The following SLC9A9 variants were observed in gnomAD, a reference collection of about 807,000 sequenced individuals.
SLC9A9 encodes solute carrier family 9 member A9.
Under a neutral mutation model 77.8 loss-of-function variants are expected in SLC9A9, and 62 were observed. That is an observed-to-expected ratio of 0.80 (90% confidence interval 0.65 to 0.98). SLC9A9 has a LOEUF of 0.98. Ranked by LOEUF, SLC9A9 falls within the 50% of genes least tolerant of loss-of-function variation. The pLI is 0.00. For synonymous variants in SLC9A9, 320 were observed against 283.5 expected (o/e 1.13, Z -1.29); for missense variants, 775 against 774.9 (o/e 1.00, Z 0.00).
chr3:143,832,272 C>T, intron 1 of SLC9A9, 51 bp from the exon 2 acceptor site: 3 of 1,487,692 alleles, frequency 2.0e-6, no homozygotes, highest in Non-Finnish European at 2.8e-6. Flanking sequence ...ATCTAAAATG[C>T]CACTATTGGA....
At chr3:143,515,318 G>C (rs72991985) in intron 9 of SLC9A9, among the ~76,000 whole-genome samples, 3,091 of 152,252 alleles carry the variant, frequency 0.02, 100 homozygotes, top group African/African-American at 0.069. Context: ...GTGAGAATTA[G>C]CAAAAGGTGA....
intron 6 of SLC9A9, among the ~76,000 whole-genome samples, chr3:143,622,953 C>G (rs1403438826): frequency 6.6e-6 from 1 of 152,002 alleles, no homozygotes; most frequent in Middle Eastern, 3.2e-3. Flanking sequence ...AGAAAGGCAG[C>G]TGTTGAAATC....
chr3:143,280,462 CTCCTCCTAGACATACTTT>C (rs1425960607), intron 14 of SLC9A9, among the ~76,000 whole-genome samples: 1 of 151,378 alleles, frequency 6.6e-6, no homozygotes, highest in Non-Finnish European at 1.5e-5. Flanking sequence ...CAAATCTCTT[CTCCTCCTAGACATACTTT>C]TTTCCTCAGA....
At chr3:143,719,875 C>T (rs141329788) in intron 4 of SLC9A9, among the ~76,000 whole-genome samples, 9 of 152,190 alleles carry the variant, frequency 5.9e-5, no homozygotes, top group Non-Finnish European at 7.4e-5. Context: ...AGAAATCAAT[C>T]GGAGTCAGAG....
At chr3:143,757,871 C>T (rs1002461142) in intron 4 of SLC9A9, among the ~76,000 whole-genome samples, 9 of 151,868 alleles carry the variant, frequency 5.9e-5, no homozygotes, top group African/African-American at 1.2e-4. Flanking sequence ...GTGAAGATAA[C>T]GAGATAAGGA....
At chr3:143,822,127 C>T (rs528191568) in intron 2 of SLC9A9, among the ~76,000 whole-genome samples, 16 of 152,334 alleles carry the variant, frequency 1.1e-4, no homozygotes, top group African/African-American at 3.8e-4. Context: ...GAGAATGACT[C>T]TGAGGGCTCA....
intron 9 of SLC9A9, among the ~76,000 whole-genome samples, chr3:143,547,822 T>TAAA (rs2036814506): frequency 8.5e-5 from 13 of 152,252 alleles, no homozygotes; most frequent in Admixed American, 4.6e-4. Flanking sequence ...CCTGCTTTAT[T>TAAA]ATTGGCCTTA....
intron 9 of SLC9A9, among the ~76,000 whole-genome samples, chr3:143,528,219 C>G (rs539855432): frequency 2.0e-5 from 3 of 152,294 alleles, no homozygotes; most frequent in Admixed American, 6.5e-5. Flanking sequence ...TCTGTGACCT[C>G]AGTCAGGTTA....
At chr3:143,799,950 C>T (rs1199540888) in intron 2 of SLC9A9, among the ~76,000 whole-genome samples, 1 of 152,208 alleles carries the variant, frequency 6.6e-6, no homozygotes, top group Non-Finnish European at 1.5e-5. Context: ...GGCCAGGCTT[C>T]TAAACCTCTT....
intron 14 of SLC9A9, among the ~76,000 whole-genome samples, chr3:143,277,189 A>AG (rs989157187): frequency 1.3e-5 from 2 of 152,202 alleles, no homozygotes; most frequent in Non-Finnish European, 2.9e-5. Context: ...AAGATAAACA[A>AG]GGGGCCATAT....
At position 143,266,029 on chromosome 3, in the gene SLC9A9, C is replaced by T. The variant is rs758441428; in HGVS notation, c.*673G>A. 10 of 701,888 alleles carry T rather than the reference C, an allele frequency of 1.4e-5. No individual in the cohort carries two copies. The highest frequency in any genetic ancestry group is 1.0e-4 in the South Asian group (7 of 67,524). 43.5% of individuals were successfully genotyped at this position (701,888 alleles called of 1,614,324 possible). The stretch of plus-strand genomic sequence containing the variant: ...GGTCCTACTAAGCTTGAAAGTGGTG[C>T]TGCATTTAGGGCAGGGCACACCCAG... On this transcript the variant is annotated 3_prime_UTR_variant, in exon 16 of 16. Coordinates refer to ENST00000316549, the MANE Select transcript of SLC9A9 (RefSeq NM_173653.4).
At chr3:143,501,998 T>A (rs527253502) in intron 9 of SLC9A9, among the ~76,000 whole-genome samples, 1 of 150,868 alleles carries the variant, frequency 6.6e-6, no homozygotes, top group Admixed American at 6.6e-5. Flanking sequence ...GATAAAATTT[T>A]AAAAAATGAA....
chr3:143,568,246 C>A (rs950730476), intron 8 of SLC9A9, among the ~76,000 whole-genome samples: 15 of 152,114 alleles, frequency 9.9e-5, no homozygotes, highest in African/African-American at 3.6e-4. Context: ...TTTTACATAC[C>A]AGGGGAAGAG....
At chr3:143,789,871 A>G (rs1486923644) in intron 4 of SLC9A9, among the ~76,000 whole-genome samples, 1 of 152,246 alleles carries the variant, frequency 6.6e-6, no homozygotes, top group Non-Finnish European at 1.5e-5. Context: ...AAGAATGTTT[A>G]TATGAATAAT....
intron 4 of SLC9A9, among the ~76,000 whole-genome samples, chr3:143,759,444 G>A (rs1340549209): frequency 3.3e-5 from 5 of 152,060 alleles, no homozygotes; most frequent in Non-Finnish European, 5.9e-5. Flanking sequence ...TGTCAATGCA[G>A]GCACTATGCA....
chr3:143,584,460 G>C (rs552692276), intron 6 of SLC9A9, among the ~76,000 whole-genome samples: 1 of 152,302 alleles, frequency 6.6e-6, no homozygotes. Flanking sequence ...TCGCTTGAAA[G>C]CTTATGAAAA....
intron 12 of SLC9A9, among the ~76,000 whole-genome samples, chr3:143,430,584 G>A (rs906730237): frequency 3.9e-5 from 6 of 152,212 alleles, no homozygotes; most frequent in African/African-American, 1.4e-4. Context: ...GAGAGTGGGT[G>A]CTTCAGCAGC....
intron 12 of SLC9A9, among the ~76,000 whole-genome samples, chr3:143,465,954 G>A (rs1173627840): frequency 6.6e-6 from 1 of 152,204 alleles, no homozygotes; most frequent in East Asian, 1.9e-4. Flanking sequence ...TGCATAACCA[G>A]TTGGCCTGGT....
chr3:143,642,786 C>T (rs1039384592), intron 6 of SLC9A9, among the ~76,000 whole-genome samples: 1 of 152,130 alleles, frequency 6.6e-6, no homozygotes, highest in East Asian at 1.9e-4. Flanking sequence ...ACTTTATATT[C>T]TGTTTCATCG....
Sources: gnomAD v4.1 joint callset for allele counts (sites outside exome capture counted in the v4.1 genomes callset) on GRCh38, gnomAD v4.1.1 for gene constraint, MANE v1.5 for transcripts, NCBI Gene and HGNC (gene_info 2026-07-23, HGNC 2026-07-21) for gene names.